CELSR1: variants seen among roughly 807,000 people sequenced by gnomAD.
CELSR1 encodes the protein cadherin EGF LAG seven-pass G-type receptor 1.
Under a neutral mutation model 249.1 loss-of-function variants are expected in CELSR1, and 110 were observed. That is an observed-to-expected ratio of 0.44 (90% CI 0.38 to 0.52). CELSR1 has a LOEUF of 0.52. CELSR1 is among the 20% of genes least tolerant of loss of function. CELSR1 has a pLI of 0.00. For missense variants in CELSR1, 4,109 were observed against 4,296.4 expected (o/e 0.96, Z 1.22); for synonymous variants, 2,113 against 1,900.0 (o/e 1.11, Z -2.92).
At chr22:46,522,462 G>C (rs992861298) in intron 1 of CELSR1, among the ~76,000 whole-genome samples, 9 of 151,980 alleles carry the variant, frequency 5.9e-5, no homozygotes, top group Non-Finnish European at 1.3e-4. Flanking sequence ...CTTTTTTTGT[G>C]CTTATTGGCC....
intron 12 of CELSR1, among the ~76,000 whole-genome samples, chr22:46,397,459 T>C (rs1162777882): frequency 6.6e-6 from 1 of 152,054 alleles, no homozygotes; most frequent in East Asian, 1.9e-4. Context: ...CCCCATGTGC[T>C]GAGGAGAGCG....
intron 2 of CELSR1, among the ~76,000 whole-genome samples, chr22:46,453,794 C>G (rs1207128963): frequency 6.6e-6 from 1 of 152,190 alleles, no homozygotes; most frequent in African/African-American, 2.4e-5. Flanking sequence ...CAGAGACTGC[C>G]AGACCCCCAC....
intron 1 of CELSR1, among the ~76,000 whole-genome samples, chr22:46,489,720 C>T (rs1421909719): frequency 2.0e-5 from 3 of 152,028 alleles, no homozygotes; most frequent in African/African-American, 7.2e-5. Context: ...TGAGACCAGC[C>T]TGGCCAACAT....
At chr22:46,426,963 T>C (rs1315618879) in intron 5 of CELSR1, among the ~76,000 whole-genome samples, 1 of 152,188 alleles carries the variant, frequency 6.6e-6, no homozygotes, top group Non-Finnish European at 1.5e-5. Context: ...GCAGCACGAA[T>C]GGGCTGGGAC....
chr22:46,416,408 G>T (rs1016431534), intron 5 of CELSR1, among the ~76,000 whole-genome samples: 1 of 152,172 alleles, frequency 6.6e-6, no homozygotes, highest in African/African-American at 2.4e-5. Flanking sequence ...AACACCCCTT[G>T]CAGGAAAGGC....
intron 20 of CELSR1, 145 bp downstream of exon 20, chr22:46,384,398 C>G: frequency 2.2e-6 from 2 of 928,550 alleles, no homozygotes; most frequent in Non-Finnish European, 3.0e-6. Context: ...CCTGCTGTCA[C>G]CAACAGGACC....
Position 46,504,371 on chromosome 22 carries a change from G to C in CELSR1, c.3544+29256C>G. ...TACTAAAAACACAAAAAAATTAGCC[G>C]GGTATGGTGGCAGGCACCTGTAGTC... On this transcript the variant is annotated intron_variant, in intron 1 of 34. Transcript: ENST00000674500. Among the ~76,000 whole-genome samples, 2 of 151,884 alleles carry C rather than the reference G, an allele frequency of 1.3e-5. 1 individual carries two copies. The highest frequency in any genetic ancestry group is 6.8e-3 in the Middle Eastern group (2 of 294).
chr22:46,392,532 G>C (rs1416861684), intron 14 of CELSR1, among the ~76,000 whole-genome samples: 2 of 152,150 alleles, frequency 1.3e-5, no homozygotes, highest in African/African-American at 4.8e-5. Flanking sequence ...GATCTTTATG[G>C]GTTTTTATTA....
At position 46,398,880 on chromosome 22, in the gene CELSR1, C is replaced by G. The variant is rs1358349216; in HGVS notation, c.5413-243G>C. Among the ~76,000 whole-genome samples, 1 of 152,216 alleles carries G rather than the reference C, an allele frequency of 6.6e-6. No individual in the cohort carries two copies. Among genetic ancestry groups the G allele is most frequent in the Non-Finnish European group, 1.5e-5 (1 of 68,042 alleles). The stretch of plus-strand genomic sequence containing the variant: ...CCATGCCCCAGCCTAGCTGAGGCGG[C>G]CAGTGGGGTCAACGTGGGCAACTGT... On this transcript the variant is annotated intron_variant, in intron 10 of 34. Transcript: ENST00000674500. The surrounding 1 kb of genome is among the most constrained non-coding windows in gnomAD (Gnocchi z 7.2).
chr22:46,529,580 A>G (rs1342015690), intron 1 of CELSR1, among the ~76,000 whole-genome samples: 1 of 152,072 alleles, frequency 6.6e-6, no homozygotes, highest in Non-Finnish European at 1.5e-5. Flanking sequence ...AGGCAGGCAG[A>G]TCACTTGAGG....
At chr22:46,510,982 G>T (rs1414060929) in intron 1 of CELSR1, among the ~76,000 whole-genome samples, 4 of 152,134 alleles carry the variant, frequency 2.6e-5, no homozygotes, top group African/African-American at 9.7e-5. Flanking sequence ...GGGCATGGTG[G>T]CAGGCACCTG....
At chr22:46,476,985 A>C (rs1318621742) in intron 1 of CELSR1, among the ~76,000 whole-genome samples, 1 of 152,152 alleles carries the variant, frequency 6.6e-6, no homozygotes, top group Non-Finnish European at 1.5e-5. Flanking sequence ...CTTAGTAAAA[A>C]TTTGTCTTAT....
At chr22:46,489,893 C>A (rs1345761985) in intron 1 of CELSR1, among the ~76,000 whole-genome samples, 6 of 144,132 alleles carry the variant, frequency 4.2e-5, no homozygotes, top group Non-Finnish European at 3.0e-5. Context: ...GACTCCTTCT[C>A]AAAAAAAAAA....
Position 46,395,849 on chromosome 22 carries a change from A to G in CELSR1, c.5843+756T>C, listed in dbSNP as rs1184795889. ...TTGTGATGACTACGCACCTGTACCCAGCGATCCCCGTGCAAAGGGTACAGA... is the reference window on the plus strand; with the variant it reads ...TTGTGATGACTACGCACCTGTACCCGGCGATCCCCGTGCAAAGGGTACAGA... On this transcript the variant is annotated intron_variant, in intron 13 of 34. Coordinates refer to ENST00000674500, the MANE Select transcript of CELSR1 (RefSeq NM_001378328.1). This position sits in a 1 kb window ranked among gnomAD's most constrained non-coding sequence, Gnocchi z 5.5. 6.6e-6 allele frequency among the ~76,000 whole-genome samples: 1 copy of G among 152,208 alleles called. No homozygotes were observed. Among genetic ancestry groups the G allele is most frequent in the Non-Finnish European group, 1.5e-5 (1 of 68,022 alleles).
At chr22:46,392,305 C>T (rs543071904) in intron 14 of CELSR1, among the ~76,000 whole-genome samples, 2 of 152,314 alleles carry the variant, frequency 1.3e-5, no homozygotes, top group African/African-American at 2.4e-5. Flanking sequence ...GGGCTGGTCA[C>T]CGGGACTCCC....
At chr22:46,499,835 T>G (rs2080449310) in intron 1 of CELSR1, among the ~76,000 whole-genome samples, 2 of 151,972 alleles carry the variant, frequency 1.3e-5, no homozygotes, top group Admixed American at 1.3e-4. Flanking sequence ...CTCTTCTGGA[T>G]CCTTCTCATC....
In CELSR1 at chr22:46,407,889, G is replaced by A. The variant is rs939319745; in HGVS notation, c.5226+1107C>T. Among the ~76,000 whole-genome samples the A allele has an allele frequency of 3.0e-4, 46 of 152,320 alleles. No individual in the cohort carries two copies. The highest frequency in any genetic ancestry group is 9.9e-4 in the African/African-American group (41 of 41,580). ...CAGCTGGGTTTACAGGAGAGCGCCC[G>A]TGCCCCGCCATCACTACAGACGAGA... On this transcript the variant is annotated intron_variant, in intron 9 of 34. Transcript: ENST00000674500. The surrounding 1 kb of genome is among the most constrained non-coding windows in gnomAD (Gnocchi z 4.8).
At chr22:46,443,770 G>C (rs990140701) in intron 2 of CELSR1, among the ~76,000 whole-genome samples, 6 of 152,264 alleles carry the variant, frequency 3.9e-5, no homozygotes, top group Non-Finnish European at 7.3e-5. Flanking sequence ...ATATGAGCAA[G>C]TCAGTGCTCG....
At chr22:46,419,490 C>G (rs928190567) in intron 5 of CELSR1, among the ~76,000 whole-genome samples, 1 of 152,144 alleles carries the variant, frequency 6.6e-6, no homozygotes, top group Admixed American at 6.5e-5. Flanking sequence ...CGCACACTTC[C>G]GAGCTGCAGC....
Sources: gnomAD v4.1 joint callset for allele counts (sites outside exome capture counted in the v4.1 genomes callset) on GRCh38, gnomAD v4.1.1 for gene constraint, Gnocchi (gnomAD v3.1) non-coding constraint, MANE v1.5 for transcripts, NCBI Gene and HGNC (gene_info 2026-07-23, HGNC 2026-07-21) for gene names.